The following TRDMT1 variants were observed in gnomAD, a reference collection of about 807,000 sequenced individuals.
The protein encoded by TRDMT1 is tRNA (cytosine(38)-C(5))-methyltransferase.
TRDMT1 carries 49 observed loss-of-function variants against 51.2 expected under a neutral mutation model. The observed-to-expected ratio is 0.96, with a 90% confidence interval of 0.76 to 1.21. The LOEUF (loss-of-function observed/expected upper bound fraction) is 1.21, where lower values mean the gene tolerates loss of function less well. TRDMT1 is among the 50% of genes most tolerant of loss of function. The pLI is 0.00. For synonymous variants in TRDMT1, 187 were observed against 164.6 expected, an observed-to-expected ratio of 1.14 and a Z score of -1.04; for missense variants, 534 against 462.3, an observed-to-expected ratio of 1.16 and a Z score of -1.42.
intron 8 of TRDMT1, among the ~76,000 whole-genome samples, chr10:17,156,463 G>C (rs1241049247): frequency 6.6e-6 from 1 of 152,008 alleles, no homozygotes; most frequent in African/African-American, 2.4e-5. Context: ...TCAAACTCCT[G>C]ACCTCAGGTG....
At chr10:17,198,927 G>T (rs1185134604) in intron 1 of TRDMT1, among the ~76,000 whole-genome samples, 4 of 152,154 alleles carry the variant, frequency 2.6e-5, no homozygotes, top group East Asian at 1.9e-4. Flanking sequence ...ATCCAAGGAA[G>T]TTAGTAGTTC....
Position 17,157,448 on chromosome 10 carries a change from T to G in TRDMT1, c.880A>C (p.Thr294Pro). The G allele has an allele frequency of 6.3e-7, 1 of 1,597,636 alleles. No homozygotes were observed. The highest frequency in any genetic ancestry group is 8.6e-7 in the Non-Finnish European group (1 of 1,168,656). The change falls in exon 8 of 11, where the codon ACC becomes CCC. Residue 294 changes from threonine to proline, a missense_variant. Physicochemically the swap from Thr to Pro is conservative, Grantham distance 38. Coordinates refer to ENST00000377799, the MANE Select transcript of TRDMT1 (RefSeq NM_004412.7). Reference sequence around the variant, plus strand: ...TAGATCTTTAAAACCTACCCTTTGGTAAAGCACACGGACCTTCTACAAGTG... The same window carrying G: ...TAGATCTTTAAAACCTACCCTTTGGGAAAGCACACGGACCTTCTACAAGTG... ...QPTCRRSVCF[T>P]KGYGSYIEGT... is the part of the protein sequence containing the mutation.
rs187066445 is a variant in TRDMT1 at position 17,155,013 on chromosome 10, G to A, written c.888-279C>T. Among the ~76,000 whole-genome samples, 421 of 146,660 alleles carry A rather than the reference G, an allele frequency of 2.9e-3. 1 individual carries two copies. Among genetic ancestry groups the A allele is most frequent in the African/African-American group, 9.2e-3 (369 of 39,894 alleles). Reference sequence around the variant, plus strand: ...GGCGGGTGGATCACCTGAGGTCAGAGGAGTTCGAGGTCAGCCTGGCCAACA... The same window carrying A: ...GGCGGGTGGATCACCTGAGGTCAGAAGAGTTCGAGGTCAGCCTGGCCAACA... On this transcript the variant is annotated intron_variant, in intron 8 of 10. Transcript: ENST00000377799.
rs1017314686 is a variant in TRDMT1, at chr10:17,148,105, T to C, written c.*935A>G. 2.4e-5 allele frequency: 24 copies of C among 985,316 alleles called. No individual in the cohort carries two copies. The African/African-American group carries it at 3.0e-4, about 12-fold the overall frequency. The allele number at this position is 985,316 out of a possible 1,614,324, so 61.0% of individuals were successfully genotyped here. ...TTTATGATGCAAGACTTAGTTTGAT[T>C]AGAAACCCTAATTCCAAGAGGTCTG... is the stretch of plus-strand genomic sequence containing the variant. On this transcript the variant is annotated 3_prime_UTR_variant, in exon 11 of 11. Transcript: ENST00000377799.
chr10:17,151,309 A>G (rs1343236012), intron 10 of TRDMT1: 1 of 985,120 alleles, frequency 1.0e-6, no homozygotes, highest in East Asian at 1.1e-4. Context: ...ACAAAGAAAC[A>G]TGGGATGAAC....
At position 17,145,341 on chromosome 10, in the gene TRDMT1, C is replaced by T. The variant is rs1045756129; in HGVS notation, c.*3699G>A. Reference sequence around the variant, plus strand: ...TAACTAGACATCTTGGTGGGTGTGACAGAGGTCCAGAAAAGTGCTTGCTAA... The same window carrying T: ...TAACTAGACATCTTGGTGGGTGTGATAGAGGTCCAGAAAAGTGCTTGCTAA... On this transcript the variant is annotated 3_prime_UTR_variant, in exon 11 of 11. Transcript: ENST00000377799. The T allele has an allele frequency of 6.1e-6, 6 of 985,250 alleles. No homozygotes were observed. The highest frequency in any genetic ancestry group is 7.2e-6 in the Non-Finnish European group (6 of 829,936). The allele number at this position is 985,250 out of a possible 1,614,324, so 61.0% of individuals were successfully genotyped here.
chr10:17,148,154 TTAAAAGTCA>T lies in TRDMT1; in HGVS notation c.*877_*885del, dbSNP rs1838283504. On this transcript the variant is annotated 3_prime_UTR_variant, in exon 11 of 11. Coordinates refer to ENST00000377799, the MANE Select transcript of TRDMT1 (RefSeq NM_004412.7). The stretch of plus-strand genomic sequence containing the variant: ...TGCTGAGGAAGAGAGACAGAGAAAG[TTAAAAGTCA>T]TAAAAGTTCATTGAGAGTGTATGTT... 1.0e-6 allele frequency: 1 copy of T among 985,216 alleles called. No homozygotes were observed. 61.0% of individuals were successfully genotyped at this position (985,216 alleles called of 1,614,324 possible). A position where few individuals can be genotyped will look rare whatever the true frequency, so the allele number is the denominator to read the frequency against.
At position 17,138,650 on chromosome 10, in the gene TRDMT1, G is replaced by A. The variant is rs11284336; in HGVS notation, c.*10390C>T. 0.27 allele frequency among the ~76,000 whole-genome samples: 40,515 copies of A among 151,832 alleles called. 5,650 individuals carry two copies. Among genetic ancestry groups the A allele is most frequent in the Middle Eastern group, 0.35 (104 of 294 alleles). On this transcript the variant is annotated 3_prime_UTR_variant, in exon 11 of 11. Transcript: ENST00000377799. ...GACTACAATTATCTTTGAGTAGAATGAAAAAGAATTATGAGTTAATCATTA... is the reference window on the plus strand; with the variant it reads ...GACTACAATTATCTTTGAGTAGAATAAAAAAGAATTATGAGTTAATCATTA...
At chr10:17,155,542 T>A (rs1839385653) in intron 8 of TRDMT1, among the ~76,000 whole-genome samples, 1 of 152,132 alleles carries the variant, frequency 6.6e-6, no homozygotes, top group African/African-American at 2.4e-5. Context: ...TATGTCTGCT[T>A]GTCATTTAAC....
chr10:17,150,286 A>C (rs1331437107), intron 10 of TRDMT1: 1 of 607,012 alleles, frequency 1.6e-6, no homozygotes, highest in Non-Finnish European at 2.1e-6. Context: ...TTTTGGAGAA[A>C]TGTTGACTCA....
At position 17,143,954 on chromosome 10, in the gene TRDMT1, C is replaced by G; in HGVS notation, c.*5086G>C. Reference sequence around the variant, plus strand: ...GATACAACTTGAATAGCAAGATATCCAAGTTAAAAATGTCCCAGCATGAAG... The same window carrying G: ...GATACAACTTGAATAGCAAGATATCGAAGTTAAAAATGTCCCAGCATGAAG... On this transcript the variant is annotated 3_prime_UTR_variant, in exon 11 of 11. Coordinates refer to ENST00000377799, the MANE Select transcript of TRDMT1 (RefSeq NM_004412.7). The G allele has an allele frequency of 3.0e-6, 3 of 985,296 alleles. No homozygotes were observed. The highest frequency in any genetic ancestry group is 3.6e-6 in the Non-Finnish European group (3 of 829,904). 61.0% of individuals were successfully genotyped at this position (985,296 alleles called of 1,614,324 possible). A position where few individuals can be genotyped will look rare whatever the true frequency, so the allele number is the denominator to read the frequency against.
At chr10:17,177,180 T>TTTTATTTATTGATTTA (rs1554763687) in intron 1 of TRDMT1, among the ~76,000 whole-genome samples, 1 of 141,496 alleles carries the variant, frequency 7.1e-6, no homozygotes, top group African/African-American at 2.6e-5. Context: ...AACACATTTA[T>TTTTATTTATTGATTTA]TTTATTTATT....
At chr10:17,162,775 A>G (rs1392742800) in intron 3 of TRDMT1, among the ~76,000 whole-genome samples, 4 of 152,214 alleles carry the variant, frequency 2.6e-5, no homozygotes, top group Non-Finnish European at 4.4e-5. Flanking sequence ...CCTGGAAGGC[A>G]GAGGTTTAAA....
intron 10 of TRDMT1, chr10:17,151,380 C>T (rs1838713556): frequency 1.0e-6 from 1 of 985,040 alleles, no homozygotes; most frequent in South Asian, 4.7e-5. Flanking sequence ...CAAAAGCCCG[C>T]TACCGCAGAA....
chr10:17,185,626 T>C (rs1331491712), intron 1 of TRDMT1, among the ~76,000 whole-genome samples: 1 of 152,198 alleles, frequency 6.6e-6, no homozygotes, highest in Admixed American at 6.5e-5. Context: ...ATTGCGGCAC[T>C]ATTCACAATA....
At chr10:17,192,944 A>G (rs1177700228) in intron 1 of TRDMT1, among the ~76,000 whole-genome samples, 1 of 152,228 alleles carries the variant, frequency 6.6e-6, no homozygotes, top group Non-Finnish European at 1.5e-5. Context: ...CACAGCCAAC[A>G]TCATACTGAG....
rs553083097 is a variant in TRDMT1, at chr10:17,148,173, A to T, written c.*867T>A. On this transcript the variant is annotated 3_prime_UTR_variant, in exon 11 of 11. Transcript: ENST00000377799. ...AGAAAGTTAAAAGTCATAAAAGTTCATTGAGAGTGTATGTTGCTACAATAA... is the reference window on the plus strand; with the variant it reads ...AGAAAGTTAAAAGTCATAAAAGTTCTTTGAGAGTGTATGTTGCTACAATAA... 2.0e-4 allele frequency: 195 copies of T among 985,418 alleles called. No homozygotes were observed. In the African/African-American group the frequency reaches 2.8e-3, roughly 14 times the overall value. 61.0% of individuals were successfully genotyped at this position (985,418 alleles called of 1,614,324 possible). A position where few individuals can be genotyped will look rare whatever the true frequency, so the allele number is the denominator to read the frequency against.
Position 17,157,681 on chromosome 10 carries a change from A to G in TRDMT1, c.647T>C (p.Phe216Ser). 1 of 1,613,222 alleles carries G rather than the reference A, an allele frequency of 6.2e-7. No homozygotes were observed. Among genetic ancestry groups the G allele is most frequent in the Non-Finnish European group, 8.5e-7 (1 of 1,179,564 alleles). Residue 216 changes from phenylalanine to serine, a missense_variant, in exon 8 of 11, where the codon TTT (phenylalanine) becomes TCT (serine). Phe to Ser is a radical substitution (Grantham distance 155). Coordinates refer to ENST00000377799, the MANE Select transcript of TRDMT1 (RefSeq NM_004412.7). ...TCCAGAACACTGTATGCTGCCATCA[A>G]AGCTAATATTTGGTTCAACGTTCTT... ...QEKNVEPNIS[F>S]DGSIQCSGKD...
chr10:17,159,315 A>G, intron 6 of TRDMT1, 86 bp from the exon 7 acceptor site: 1 of 920,320 alleles, frequency 1.1e-6, no homozygotes, highest in African/African-American at 1.7e-5. Context: ...AGCAACAACA[A>G]AAAACTCAAA....
Sources: gnomAD v4.1 joint callset for allele counts (sites outside exome capture counted in the v4.1 genomes callset) on GRCh38, gnomAD v4.1.1 for gene constraint, MANE v1.5 for transcripts, NCBI Gene and HGNC (gene_info 2026-07-23, HGNC 2026-07-21) for gene names.